The following POU2AF3 variants were observed in gnomAD, a reference collection of about 807,000 sequenced individuals.
POU2AF3 encodes POU class 2 homeobox associating factor 3.
the POU2AF3 span, among the ~76,000 whole-genome samples, chr11:111,305,382 C>A: frequency 6.6e-6 from 1 of 152,170 alleles, no homozygotes; most frequent in African/African-American, 2.4e-5. Context: ...AGTTTCCAGC[C>A]GACAGGGGCT....
chr11:111,306,461 T>C, the POU2AF3 span: 1 of 1,507,346 alleles, frequency 6.6e-7, no homozygotes, highest in Non-Finnish European at 8.9e-7. Flanking sequence ...AATTTTCCAG[T>C]TGTGTTTCAT....
At chr11:111,306,288 C>T in the POU2AF3 span, 53 of 529,870 alleles carry the variant, frequency 1.0e-4, no homozygotes, top group Non-Finnish European at 1.6e-4. Context: ...ATTTGTTAAG[C>T]CCCCTTTCCC....
chr11:111,306,909 A>G, the POU2AF3 span, among the ~76,000 whole-genome samples: 1 of 152,220 alleles, frequency 6.6e-6, no homozygotes, highest in Non-Finnish European at 1.5e-5. Flanking sequence ...GGCAATATTC[A>G]TTTAATGTTT....
chr11:111,299,462 C>T, the POU2AF3 span: 54 of 1,075,916 alleles, frequency 5.0e-5, no homozygotes, highest in Non-Finnish European at 6.1e-5. Flanking sequence ...CTTTTCGGGG[C>T]CCGGGGCTGA....
chr11:111,302,726 T>C, the POU2AF3 span, among the ~76,000 whole-genome samples: 2 of 152,228 alleles, frequency 1.3e-5, no homozygotes, highest in Non-Finnish European at 2.9e-5. Context: ...CCCTTAAGAC[T>C]GCATCAGCCT....
At chr11:111,299,852 GC>G in the POU2AF3 span, 35 of 657,690 alleles carry the variant, frequency 5.3e-5, no homozygotes, top group Non-Finnish European at 7.1e-5. Flanking sequence ...ACAGAAGGGA[GC>G]GAGGGAGGGA....
the POU2AF3 span, among the ~76,000 whole-genome samples, chr11:111,305,483 A>G: frequency 6.6e-6 from 1 of 152,080 alleles, no homozygotes; most frequent in African/African-American, 2.4e-5. Context: ...AAACACTCCT[A>G]CCTCTGCTAC....
At chr11:111,302,377 ACAT>A in the POU2AF3 span, among the ~76,000 whole-genome samples, 2 of 152,160 alleles carry the variant, frequency 1.3e-5, no homozygotes, top group African/African-American at 4.8e-5. Context: ...CTGGAGAAAA[ACAT>A]CATCAAGACT....
the POU2AF3 span, chr11:111,299,614 G>C: frequency 4.1e-6 from 5 of 1,226,084 alleles, no homozygotes; most frequent in Non-Finnish European, 5.1e-6. Flanking sequence ...CCTCCCGGCG[G>C]AGTGCAGGGT....
At chr11:111,300,184 C>T in the POU2AF3 span, 2 of 337,524 alleles carry the variant, frequency 5.9e-6, no homozygotes, top group African/African-American at 4.2e-5. Context: ...CCAAGGTTCC[C>T]CCGACCTAAT....
At chr11:111,298,869 C>A in the POU2AF3 span, 1 of 910,466 alleles carries the variant, frequency 1.1e-6, no homozygotes, top group Non-Finnish European at 1.4e-6. Context: ...TGTCCTGAGA[C>A]ACGCGGTGCG....
chr11:111,300,920 A>G, the POU2AF3 span, among the ~76,000 whole-genome samples: 8 of 152,220 alleles, frequency 5.3e-5, no homozygotes, highest in East Asian at 1.5e-3. Context: ...GCAGGTAAGT[A>G]TACATCGTTT....
At chr11:111,307,515 A>G in the POU2AF3 span, among the ~76,000 whole-genome samples, 1 of 152,224 alleles carries the variant, frequency 6.6e-6, no homozygotes, top group Non-Finnish European at 1.5e-5. Context: ...AGGTTTTCTC[A>G]GTAACAATTG....
At chr11:111,307,457 G>A in the POU2AF3 span, among the ~76,000 whole-genome samples, 1 of 152,126 alleles carries the variant, frequency 6.6e-6, no homozygotes, top group Admixed American at 6.6e-5. Flanking sequence ...ATTGTCACGG[G>A]GAAAATATGG....
the POU2AF3 span, chr11:111,300,001 A>G: frequency 2.5e-6 from 1 of 397,792 alleles, no homozygotes; most frequent in Admixed American, 4.4e-5. Flanking sequence ...GCCTGCCCAG[A>G]AGCCACACCT....
chr11:111,304,118 C>T, the POU2AF3 span, among the ~76,000 whole-genome samples: 7 of 152,038 alleles, frequency 4.6e-5, no homozygotes, highest in Non-Finnish European at 1.0e-4. Flanking sequence ...TCCAACTCAC[C>T]AACCACAGCT....
chr11:111,299,312 TC>T, the POU2AF3 span: 1 of 987,220 alleles, frequency 1.0e-6, no homozygotes, highest in Non-Finnish European at 1.2e-6. Context: ...CCAGCGCACT[TC>T]CCGGCGCGAT....
the POU2AF3 span, among the ~76,000 whole-genome samples, chr11:111,302,496 T>G: frequency 6.6e-6 from 1 of 152,246 alleles, no homozygotes; most frequent in Non-Finnish European, 1.5e-5. Flanking sequence ...CTGTTGCTGC[T>G]GGGCCCTTAC....
At chr11:111,298,825 G>GGGGGGGGGGGGCC in the POU2AF3 span, 2 of 852,674 alleles carry the variant, frequency 2.3e-6, no homozygotes, top group Non-Finnish European at 1.5e-6. Context: ...GCGTACCCCA[G>GGGGGGGGGGGGCC]GCCCCCGCCC....
Sources: gnomAD v4.1 joint callset for allele counts (sites outside exome capture counted in the v4.1 genomes callset) on GRCh38, gnomAD v4.1.1 for gene constraint, MANE v1.5 for transcripts, NCBI Gene and HGNC (gene_info 2026-07-23, HGNC 2026-07-21) for gene names.